TRIAP1: variants seen among roughly 807,000 people sequenced by gnomAD.
TRIAP1 encodes TP53 regulated inhibitor of apoptosis 1.
TRIAP1 carries 8 observed loss-of-function variants against 8.4 expected under a neutral mutation model. The observed-to-expected ratio is 0.96, with a 90% CI of 0.56 to 1.73. The LOEUF is 1.73. Ranked by LOEUF, TRIAP1 falls within the 40% of genes most tolerant of loss-of-function variation. The pLI is 0.00. For missense variants in TRIAP1, 90 were observed against 96.9 expected, an observed-to-expected ratio of 0.93 and a Z score of 0.30; for synonymous variants, 35 against 34.0, an observed-to-expected ratio of 1.03 and a Z score of -0.10.
chr12:120,446,067 C>T, intron 1 of TRIAP1, 159 bp downstream of exon 1: 1 of 976,692 alleles, frequency 1.0e-6, no homozygotes. Context: ...ACCCAAGTGG[C>T]CTCGGTGGTG....
Position 120,446,302 on chromosome 12 carries a change from G to T in TRIAP1, c.71C>A (p.Ala24Asp). ...GCTGTCCCCCTTGAGAAATTTCTCG[G>T]CGAACCAGCGATTGAAGCACTGGTC... ...EYDQCFNRWF[A>D]EKFLKGDSSG... Residue 24 changes from alanine to aspartate, a missense_variant, in exon 1 of 2, where the codon GCC becomes GAC. Physicochemically the swap from Ala to Asp is moderately radical, Grantham distance 126. Transcript: ENST00000546954. The T allele has an allele frequency of 6.2e-7, 1 of 1,614,230 alleles. No homozygotes were observed. The highest frequency in any genetic ancestry group is 1.3e-5 in the African/African-American group (1 of 75,070).
chr12:120,444,822 A>G lies in TRIAP1; in HGVS notation c.*50T>C, dbSNP rs758473919. On this transcript the variant is annotated 3_prime_UTR_variant, in exon 2 of 2. Transcript: ENST00000546954. Reference sequence around the variant, plus strand: ...TCACAGAGTTAGTTGACAAAAATCCAGAGTCCTCAATTTCTGGACTTGCGA... The same window carrying G: ...TCACAGAGTTAGTTGACAAAAATCCGGAGTCCTCAATTTCTGGACTTGCGA... 1.4e-6 allele frequency: 2 copies of G among 1,440,894 alleles called. No individual in the cohort carries two copies. Among genetic ancestry groups the G allele is most frequent in the Middle Eastern group, 1.8e-4 (1 of 5,710 alleles). The allele number at this position is 1,440,894 out of a possible 1,614,324, so 89.3% of individuals were successfully genotyped here.
chr12:120,445,427 A>T (rs535788742), intron 1 of TRIAP1, among the ~76,000 whole-genome samples: 1 of 152,256 alleles, frequency 6.6e-6, no homozygotes, highest in African/African-American at 2.4e-5. Context: ...ATAATGAATA[A>T]ATCAAGTGTA....
In TRIAP1 at chr12:120,446,218, G is replaced by C; in HGVS notation, c.147+8C>G. The C allele has an allele frequency of 6.2e-7, 1 of 1,612,420 alleles. No homozygotes were observed. Among genetic ancestry groups the C allele is most frequent in the South Asian group, 1.1e-5 (1 of 91,034 alleles). On this transcript the variant is annotated splice_region_variant and intron_variant, in intron 1 of 1. Transcript: ENST00000546954. ...GCAGGGCCTGGGAACAGAGGCGGGA[G>C]GGCTCACCTGAACACACTGCTGGTA...
In TRIAP1 at chr12:120,444,592, T is replaced by C. The variant is rs1877802137; in HGVS notation, c.*280A>G. 5.1e-6 allele frequency: 2 copies of C among 391,840 alleles called. No homozygotes were observed. The highest frequency in any genetic ancestry group is 2.4e-5 in the South Asian group (1 of 41,252). 24.3% of individuals were successfully genotyped at this position (391,840 alleles called of 1,614,324 possible). On this transcript the variant is annotated 3_prime_UTR_variant, in exon 2 of 2. Coordinates refer to ENST00000546954, the MANE Select transcript of TRIAP1 (RefSeq NM_016399.3). ...TTTATCATCGTTTGCATACAAGGTA[T>C]ATTTATGTAAAGCTGATTCCACGCC... is the stretch of plus-strand genomic sequence containing the variant.
At chr12:120,446,163 ATGAG>A (rs1414920258) in intron 1 of TRIAP1, 59 bp downstream of exon 1, 1 of 1,590,450 alleles carries the variant, frequency 6.3e-7, no homozygotes, top group African/African-American at 1.3e-5. Context: ...GTAAAATACG[ATGAG>A]TGTGGTGGGA....
chr12:120,445,942 T>G, intron 1 of TRIAP1: 1 of 395,154 alleles, frequency 2.5e-6, no homozygotes. Context: ...TTTTTATGTA[T>G]AAAATATGAG....
chr12:120,445,618 G>C (rs139143155), intron 1 of TRIAP1, among the ~76,000 whole-genome samples: 211 of 152,344 alleles, frequency 1.4e-3, no homozygotes, highest in Middle Eastern at 0.01. Flanking sequence ...GGGAATTGCT[G>C]TGAGGATGTG....
At position 120,446,382 on chromosome 12, in the gene TRIAP1, G is replaced by C. The variant is rs1360402736; in HGVS notation, c.-10C>G. The C allele has an allele frequency of 6.2e-7, 1 of 1,612,470 alleles. No homozygotes were observed. On this transcript the variant is annotated 5_prime_UTR_variant, in exon 1 of 2. Coordinates refer to ENST00000546954, the MANE Select transcript of TRIAP1 (RefSeq NM_016399.3). ...CCCCCACACTGTTCATGGCGACAGT[G>C]GTGGCGGCGGCGACGACGGCGCACT... is the stretch of plus-strand genomic sequence containing the variant.
In TRIAP1 at chr12:120,444,612, C is replaced by T; in HGVS notation, c.*260G>A. 1 of 424,516 alleles carries T rather than the reference C, an allele frequency of 2.4e-6. No homozygotes were observed. Among genetic ancestry groups the T allele is most frequent in the Non-Finnish European group, 4.3e-6 (1 of 232,318 alleles). The allele number at this position is 424,516 out of a possible 1,614,324, so 26.3% of individuals were successfully genotyped here. On this transcript the variant is annotated 3_prime_UTR_variant, in exon 2 of 2. Transcript: ENST00000546954. ...AGGTATATTTATGTAAAGCTGATTC[C>T]ACGCCAAGTATTGCAACCATAATCT...
intron 1 of TRIAP1, chr12:120,445,846 T>G (rs564668242): frequency 4.8e-6 from 1 of 208,494 alleles, no homozygotes; most frequent in Non-Finnish European, 9.7e-6. Context: ...GCAGTAATAG[T>G]GGAAAAGTGC....
At chr12:120,445,086 A>T in intron 1 of TRIAP1, 131 bp from the exon 2 acceptor site, 1 of 708,538 alleles carries the variant, frequency 1.4e-6, no homozygotes, top group Non-Finnish European at 2.3e-6. Flanking sequence ...TTCAAACCAC[A>T]TACTTTTTAA....
At position 120,444,723 on chromosome 12, in the gene TRIAP1, A is replaced by G. The variant is rs1022614350; in HGVS notation, c.*149T>C. 4 of 694,880 alleles carry G rather than the reference A, an allele frequency of 5.8e-6. No homozygotes were observed. Among genetic ancestry groups the G allele is most frequent in the African/African-American group, 5.4e-5 (3 of 55,472 alleles). The allele number at this position is 694,880 out of a possible 1,614,324, so 43.0% of individuals were successfully genotyped here. On this transcript the variant is annotated 3_prime_UTR_variant, in exon 2 of 2. Coordinates refer to ENST00000546954, the MANE Select transcript of TRIAP1 (RefSeq NM_016399.3). ...CATCTCAAAGAGTTCATCTTTTACA[A>G]CTGAGAGGAAAACATCGAAGGAGGA... is the stretch of plus-strand genomic sequence containing the variant.
chr12:120,445,436 T>C (rs1295742387), intron 1 of TRIAP1, among the ~76,000 whole-genome samples: 1 of 152,048 alleles, frequency 6.6e-6, no homozygotes, highest in Non-Finnish European at 1.5e-5. Context: ...AAATCAAGTG[T>C]AAGACCTGAG....
Position 120,444,872 on chromosome 12 carries a change from T to G in TRIAP1, c.231A>C (p.Ter77CysextTer2), listed in dbSNP as rs1877809666. Residue 77 changes from the stop codon to cysteine (C), a stop_lost, in exon 2 of 2, where the codon TGA (stop) becomes TGC (cysteine). Coordinates refer to ENST00000546954, the MANE Select transcript of TRIAP1 (RefSeq NM_016399.3). ...HGKEKPENSS* is the reference protein window; with the variant it reads ...HGKEKPENSSC ...AAATCCTTCAAGGTGACTGTCAAGG[T>G]CAAGAAGAATTTTCAGGCTTTTCTT... 6.2e-7 allele frequency: 1 copy of G among 1,612,816 alleles called. No individual in the cohort carries two copies. The highest frequency in any genetic ancestry group is 1.3e-5 in the African/African-American group (1 of 74,964).
At chr12:120,445,845 G>T in intron 1 of TRIAP1, 1 of 210,248 alleles carries the variant, frequency 4.8e-6, no homozygotes, top group Non-Finnish European at 9.6e-6. Flanking sequence ...AGCAGTAATA[G>T]TGGAAAAGTG....
rs746013698 is a variant in TRIAP1 at position 120,444,740 on chromosome 12, G to A, written c.*132C>T. The stretch of plus-strand genomic sequence containing the variant: ...CTTTTACAACTGAGAGGAAAACATC[G>A]AAGGAGGAAATAAAACTCCTCTCTC... On this transcript the variant is annotated 3_prime_UTR_variant, in exon 2 of 2. Transcript: ENST00000546954. The A allele has an allele frequency of 1.8e-5, 13 of 721,538 alleles. No individual in the cohort carries two copies. Among genetic ancestry groups the A allele is most frequent in the South Asian group, 1.1e-4 (7 of 62,616 alleles). 44.7% of individuals were successfully genotyped at this position (721,538 alleles called of 1,614,324 possible). A position where few individuals can be genotyped will look rare whatever the true frequency, so the allele number is the denominator to read the frequency against.
rs984508087 is a variant in TRIAP1 at position 120,444,598 on chromosome 12, T to C, written c.*274A>G. The C allele has an allele frequency of 7.4e-6, 3 of 403,716 alleles. No homozygotes were observed. The highest frequency in any genetic ancestry group is 8.1e-5 in the Admixed American group (2 of 24,666). The allele number at this position is 403,716 out of a possible 1,614,324, so 25.0% of individuals were successfully genotyped here. A position where few individuals can be genotyped will look rare whatever the true frequency, so the allele number is the denominator to read the frequency against. Reference sequence around the variant, plus strand: ...ATCGTTTGCATACAAGGTATATTTATGTAAAGCTGATTCCACGCCAAGTAT... The same window carrying C: ...ATCGTTTGCATACAAGGTATATTTACGTAAAGCTGATTCCACGCCAAGTAT... On this transcript the variant is annotated 3_prime_UTR_variant, in exon 2 of 2. Transcript: ENST00000546954.
rs1406080773 is a variant in TRIAP1 at position 120,446,309 on chromosome 12, A to C, written c.64T>G (p.Trp22Gly). The C allele has an allele frequency of 6.2e-7, 1 of 1,614,230 alleles. No individual in the cohort carries two copies. The highest frequency in any genetic ancestry group is 2.2e-5 in the East Asian group (1 of 44,884). ...KREYDQCFNRWFAEKFLKGDS... is the reference protein window; with the variant it reads ...KREYDQCFNRGFAEKFLKGDS... ...CCCTTGAGAAATTTCTCGGCGAACC[A>C]GCGATTGAAGCACTGGTCGTACTCG... The change falls in exon 1 of 2, where the codon TGG (tryptophan) becomes GGG (glycine). Residue 22 changes from tryptophan to glycine, a missense_variant. Physicochemically the swap from Trp to Gly is radical, Grantham distance 184. Transcript: ENST00000546954.
Sources: gnomAD v4.1 joint callset for allele counts (sites outside exome capture counted in the v4.1 genomes callset) on GRCh38, gnomAD v4.1.1 for gene constraint, MANE v1.5 for transcripts, NCBI Gene and HGNC (gene_info 2026-07-23, HGNC 2026-07-21) for gene names.